The following MYT1L variants were observed in gnomAD, a reference collection of about 807,000 sequenced individuals.
MYT1L encodes myelin transcription factor 1 like.
A neutral mutation model predicts 126.7 loss-of-function variants in MYT1L; 12 were observed. That is an observed-to-expected ratio of 0.09 (90% CI 0.06 to 0.15). The LOEUF is 0.15. MYT1L is among the 10% of genes least tolerant of loss of function. The pLI, the probability that MYT1L is intolerant of heterozygous loss-of-function variation, is 1.00. For missense variants in MYT1L, 979 were observed against 1,585.2 expected, an observed-to-expected ratio of 0.62 and a Z score of 6.49; for synonymous variants, 541 against 604.2, an observed-to-expected ratio of 0.90 and a Z score of 1.53.
chr2:1,814,014 G>C (rs551324228), intron 21 of MYT1L, among the ~76,000 whole-genome samples: 3 of 133,984 alleles, frequency 2.2e-5, no homozygotes, highest in Non-Finnish European at 4.7e-5. Flanking sequence ...GCGACAGAGC[G>C]AGACTCCGTC....
intron 5 of MYT1L, among the ~76,000 whole-genome samples, chr2:1,992,129 A>G (rs2149573630): frequency 6.6e-6 from 1 of 152,002 alleles, no homozygotes; most frequent in East Asian, 1.9e-4. Context: ...CGTTTTGCAA[A>G]TTTATTTATT....
chr2:1,894,368 G>A (rs1244334065), intron 14 of MYT1L, among the ~76,000 whole-genome samples: 1 of 152,182 alleles, frequency 6.6e-6, no homozygotes, highest in Non-Finnish European at 1.5e-5. Context: ...GACAGCAGAG[G>A]CTGTAAGGGC....
intron 9 of MYT1L, among the ~76,000 whole-genome samples, chr2:1,940,690 A>G (rs2056544971): frequency 6.6e-6 from 1 of 152,290 alleles, no homozygotes. Context: ...CATAGGTGAT[A>G]ATAGAAGTTA....
chr2:1,802,169 T>A (rs1325175214), intron 22 of MYT1L, among the ~76,000 whole-genome samples: 2 of 152,146 alleles, frequency 1.3e-5, no homozygotes, highest in African/African-American at 4.8e-5. Context: ...TTGTTCTCTC[T>A]CTCGACTCGC....
chr2:2,130,011 A>T (rs1050146052), intron 3 of MYT1L, among the ~76,000 whole-genome samples: 1 of 152,164 alleles, frequency 6.6e-6, no homozygotes, highest in African/African-American at 2.4e-5. Context: ...TTAATTTTCT[A>T]CGTGGGAAAA....
chr2:2,079,028 A>G (rs1480006819), intron 3 of MYT1L, among the ~76,000 whole-genome samples: 1 of 152,154 alleles, frequency 6.6e-6, no homozygotes, highest in Non-Finnish European at 1.5e-5. Flanking sequence ...ATGCAGTGAG[A>G]AGACAAATGC....
At chr2:2,265,182 A>T (rs2095092939) in intron 2 of MYT1L, among the ~76,000 whole-genome samples, 1 of 151,692 alleles carries the variant, frequency 6.6e-6, no homozygotes. Context: ...CACCTGGCTA[A>T]TTTTTTTGTA....
chr2:1,844,922 G>T (rs1029637014), intron 19 of MYT1L, among the ~76,000 whole-genome samples: 4 of 151,762 alleles, frequency 2.6e-5, no homozygotes, highest in Non-Finnish European at 4.4e-5. Context: ...ACAGCTCCAT[G>T]CTCTGCTCAG....
At chr2:2,328,147 G>A (rs1344113845) in intron 1 of MYT1L, among the ~76,000 whole-genome samples, 4 of 152,030 alleles carry the variant, frequency 2.6e-5, no homozygotes, top group African/African-American at 9.7e-5. Context: ...TTAATTTTAA[G>A]TATAATTGTA....
chr2:1,958,955 G>T lies in MYT1L; in HGVS notation c.153-15621C>A, dbSNP rs183768500. Among the ~76,000 whole-genome samples, 64 of 152,302 alleles carry T rather than the reference G, an allele frequency of 4.2e-4. No homozygotes were observed. The East Asian group carries it at 9.4e-3, about 22-fold the overall frequency. The stretch of plus-strand genomic sequence containing the variant: ...TTCCTTCAACAGCTCTTATTGCAAG[G>T]GGCTTCCTCTTGGATTTCATTTGGA... On this transcript the variant is annotated intron_variant, in intron 8 of 24. Transcript: ENST00000647738.
At chr2:2,046,406 A>AGAGAC (rs2068193998) in intron 4 of MYT1L, among the ~76,000 whole-genome samples, 1 of 152,248 alleles carries the variant, frequency 6.6e-6, no homozygotes, top group Non-Finnish European at 1.5e-5. Context: ...TTATTTCACC[A>AGAGAC]GTCTCCTATG....
intron 2 of MYT1L, among the ~76,000 whole-genome samples, chr2:2,265,515 T>C (rs2095104790): frequency 6.6e-6 from 1 of 152,076 alleles, no homozygotes; most frequent in Admixed American, 6.5e-5. Context: ...GAGAACACAG[T>C]GAGAACTAGA....
At chr2:2,188,896 G>C (rs1384099167) in intron 2 of MYT1L, among the ~76,000 whole-genome samples, 1 of 152,166 alleles carries the variant, frequency 6.6e-6, no homozygotes, top group Non-Finnish European at 1.5e-5. Context: ...GCCACAGTCT[G>C]ATTTCCCTAG....
intron 3 of MYT1L, among the ~76,000 whole-genome samples, chr2:2,140,609 T>C (rs1056760323): frequency 3.3e-4 from 50 of 152,130 alleles, no homozygotes; most frequent in African/African-American, 1.2e-3. Context: ...TAATTTTTTG[T>C]ATTTTTAGTA....
At position 1,979,412 on chromosome 2, in the gene MYT1L, G is replaced by T; in HGVS notation, c.89+109C>A. On this transcript the variant is annotated intron_variant, in intron 7 of 24. Coordinates refer to ENST00000647738, the MANE Select transcript of MYT1L (RefSeq NM_001303052.2). This position sits in a 1 kb window ranked among gnomAD's most constrained non-coding sequence, Gnocchi z 4.0. ...CGGGGGAATTAATTTCATCAGTGCAGCAGGGCGTGAGCAAGCTGCCGATGA... is the reference window on the plus strand; with the variant it reads ...CGGGGGAATTAATTTCATCAGTGCATCAGGGCGTGAGCAAGCTGCCGATGA... The T allele has an allele frequency of 2.5e-6, 3 of 1,200,546 alleles. No individual in the cohort carries two copies. The highest frequency in any genetic ancestry group is 2.5e-6 in the Non-Finnish European group (2 of 805,350). 74.4% of individuals were successfully genotyped at this position (1,200,546 alleles called of 1,614,324 possible). A position where few individuals can be genotyped will look rare whatever the true frequency, so the allele number is the denominator to read the frequency against.
At chr2:2,088,948 T>C (rs1453530775) in intron 3 of MYT1L, among the ~76,000 whole-genome samples, 1 of 152,214 alleles carries the variant, frequency 6.6e-6, no homozygotes, top group African/African-American at 2.4e-5. Context: ...TTTGCTTTTT[T>C]AAAAAGTAAA....
chr2:1,801,560 T>C lies in MYT1L; in HGVS notation c.3276+136A>G. 1.6e-6 allele frequency: 1 copy of C among 637,110 alleles called. No individual in the cohort carries two copies. Among genetic ancestry groups the C allele is most frequent in the East Asian group, 2.6e-5 (1 of 38,010 alleles). 39.5% of individuals were successfully genotyped at this position (637,110 alleles called of 1,614,324 possible). On this transcript the variant is annotated intron_variant, in intron 23 of 24. Transcript: ENST00000647738. The surrounding 1 kb of genome is among the most constrained non-coding windows in gnomAD (Gnocchi z 4.2). The stretch of plus-strand genomic sequence containing the variant: ...TGGTGTCTGCGGAAGACCAATATCA[T>C]AAGGTGGAAAAATAAAGGAAATAAA...
At chr2:2,140,923 T>C (rs539213928) in intron 3 of MYT1L, among the ~76,000 whole-genome samples, 14 of 152,356 alleles carry the variant, frequency 9.2e-5, no homozygotes, top group South Asian at 2.1e-4. Flanking sequence ...GGCAATTGCA[T>C]ATTGAAATTA....
At chr2:2,109,923 A>ATG (rs2079224842) in intron 3 of MYT1L, among the ~76,000 whole-genome samples, 1 of 119,502 alleles carries the variant, frequency 8.4e-6, no homozygotes, top group African/African-American at 3.2e-5. Flanking sequence ...ATATATATAT[A>ATG]TCCCTTTCAG....
Sources: allele counts gnomAD v4.1 joint callset (sites outside exome capture counted in the v4.1 genomes callset), GRCh38; gene constraint gnomAD v4.1.1; non-coding constraint Gnocchi (gnomAD v3.1); transcripts MANE v1.5; gene names NCBI Gene and HGNC (gene_info 2026-07-23, HGNC 2026-07-21).